PPP2R2A: variants seen among roughly 807,000 people sequenced by gnomAD.
The protein encoded by PPP2R2A is protein phosphatase 2 regulatory subunit Balpha.
PPP2R2A carries 9 observed loss-of-function variants against 53.2 expected under a neutral mutation model. That is an observed-to-expected ratio of 0.17 (90% CI 0.10 to 0.30). The LOEUF is 0.30. Among genes scored for constraint, PPP2R2A ranks in the 10% least tolerant of loss-of-function variants. The probability of loss-of-function intolerance (pLI) is 1.00; values close to 1 mark genes in which losing one functional copy is unlikely to be tolerated. For missense variants in PPP2R2A, 235 were observed against 534.6 expected (o/e 0.44, Z 5.53); for synonymous variants, 169 against 174.2 (o/e 0.97, Z 0.23).
intron 6 of PPP2R2A, among the ~76,000 whole-genome samples, chr8:26,361,740 A>T (rs1314436039): frequency 6.6e-6 from 1 of 152,064 alleles, no homozygotes; most frequent in Non-Finnish European, 1.5e-5. Flanking sequence ...TGGGTGGATC[A>T]CCTAAGGTCA....
intron 7 of PPP2R2A, 35 bp from the exon 8 acceptor site, chr8:26,363,686 C>A: frequency 6.6e-7 from 1 of 1,505,076 alleles, no homozygotes; most frequent in Non-Finnish European, 8.9e-7. Context: ...TATTGTACAC[C>A]TTGCCCTTTT....
chr8:26,346,001 A>C (rs1804193853), intron 3 of PPP2R2A, among the ~76,000 whole-genome samples: 1 of 151,994 alleles, frequency 6.6e-6, no homozygotes, highest in Non-Finnish European at 1.5e-5. Flanking sequence ...TTATTTAAAC[A>C]TTCTTTTGTT....
At chr8:26,325,458 A>C (rs183671828) in intron 2 of PPP2R2A, among the ~76,000 whole-genome samples, 3 of 152,238 alleles carry the variant, frequency 2.0e-5, no homozygotes, top group Admixed American at 1.3e-4. Flanking sequence ...TTTTCTTCCC[A>C]ATCTTGGGTA....
At chr8:26,315,562 T>A (rs996141823) in intron 2 of PPP2R2A, among the ~76,000 whole-genome samples, 1 of 152,194 alleles carries the variant, frequency 6.6e-6, no homozygotes, top group Non-Finnish European at 1.5e-5. Flanking sequence ...TGTTCTCTAT[T>A]TTAGAGTCTA....
chr8:26,369,230 A>T (rs1805541387), intron 9 of PPP2R2A, among the ~76,000 whole-genome samples: 1 of 152,070 alleles, frequency 6.6e-6, no homozygotes, highest in African/African-American at 2.4e-5. Context: ...TACCCTGAGA[A>T]GATTATTTAT....
intron 1 of PPP2R2A, chr8:26,293,234 T>C (rs1473931185): frequency 2.0e-6 from 3 of 1,535,776 alleles, no homozygotes; most frequent in Non-Finnish European, 2.6e-6. Flanking sequence ...CATTACTCCT[T>C]ACCCAGGCAG....
At chr8:26,339,675 T>C (rs1020499500) in intron 3 of PPP2R2A, among the ~76,000 whole-genome samples, 2 of 152,162 alleles carry the variant, frequency 1.3e-5, no homozygotes, top group African/African-American at 2.4e-5. Context: ...TCTTATTCAT[T>C]CTCTCCTTCC....
intron 2 of PPP2R2A, among the ~76,000 whole-genome samples, chr8:26,331,796 T>A (rs1803390777): frequency 6.6e-6 from 1 of 152,228 alleles, no homozygotes; most frequent in African/African-American, 2.4e-5. Flanking sequence ...AATAGAATTT[T>A]CACAAACTTC....
chr8:26,356,289 G>C (rs929581758), intron 4 of PPP2R2A, among the ~76,000 whole-genome samples: 1 of 152,178 alleles, frequency 6.6e-6, no homozygotes, highest in Non-Finnish European at 1.5e-5. Flanking sequence ...TAGAAATGCT[G>C]TTCACAAATG....
rs1802842542 is a variant in PPP2R2A at position 26,321,564 on chromosome 8, C to G, written c.83-17326C>G. Among the ~76,000 whole-genome samples the G allele has an allele frequency of 6.6e-6, 1 of 152,206 alleles. No individual in the cohort carries two copies. The highest frequency in any genetic ancestry group is 1.5e-5 in the Non-Finnish European group (1 of 68,034). ...ATCCATGTTGGGCTGCCCTATTTCA[C>G]TTGCTGAGGGAAGCCAGCTACCATG... On this transcript the variant is annotated intron_variant, in intron 2 of 9. Coordinates refer to ENST00000380737, the MANE Select transcript of PPP2R2A (RefSeq NM_002717.4). This position sits in a 1 kb window ranked among gnomAD's most constrained non-coding sequence, Gnocchi z 4.1.
At chr8:26,317,857 T>A (rs1023014184) in intron 2 of PPP2R2A, among the ~76,000 whole-genome samples, 5 of 152,220 alleles carry the variant, frequency 3.3e-5, no homozygotes, top group Admixed American at 6.5e-5. Flanking sequence ...GCAGGTTTGT[T>A]CTGCTCAGGG....
intron 2 of PPP2R2A, among the ~76,000 whole-genome samples, chr8:26,309,264 C>T (rs545736934): frequency 4.6e-4 from 70 of 152,188 alleles, no homozygotes; most frequent in African/African-American, 1.7e-3. Flanking sequence ...TAAACAACAT[C>T]TCCTTGTCCC....
intron 9 of PPP2R2A, among the ~76,000 whole-genome samples, chr8:26,367,553 C>T (rs980606344): frequency 4.6e-5 from 7 of 152,168 alleles, no homozygotes; most frequent in Non-Finnish European, 7.4e-5. Context: ...GTTCCCCTGT[C>T]GCTGTTTGCT....
At chr8:26,357,825 C>G (rs546591293) in intron 4 of PPP2R2A, among the ~76,000 whole-genome samples, 5 of 152,100 alleles carry the variant, frequency 3.3e-5, no homozygotes, top group Non-Finnish European at 7.4e-5. Context: ...GTTGATAATT[C>G]AGGGGAACAC....
At chr8:26,343,105 C>T (rs1475073392) in intron 3 of PPP2R2A, among the ~76,000 whole-genome samples, 1 of 151,798 alleles carries the variant, frequency 6.6e-6, no homozygotes, top group Admixed American at 6.6e-5. Context: ...ACCTAGGAGG[C>T]GGAGGTTGCA....
At chr8:26,293,243 A>C in intron 1 of PPP2R2A, 1 of 1,535,964 alleles carries the variant, frequency 6.5e-7, no homozygotes, top group African/African-American at 1.4e-5. Flanking sequence ...TTACCCAGGC[A>C]GTAATGTTCC....
rs1446858191 is a variant in PPP2R2A at position 26,370,215 on chromosome 8, G to A, written c.1146G>A (p.Ser382=). 19 of 1,613,974 alleles carry A rather than the reference G, an allele frequency of 1.2e-5. No homozygotes were observed. The East Asian group carries it at 2.2e-4, about 19-fold the overall frequency. ...AGCGAGACATAACCCTAGAAGCATC[G>A]CGGGAAAACAATAAGCCTCGCACAG... is the stretch of plus-strand genomic sequence containing the variant. ...NTKRDITLEA[S]RENNKPRTVL... is the part of the protein sequence containing the mutation. Residue 382 remains serine, a synonymous_variant, in exon 10 of 10, where the codon TCG becomes TCA. Transcript: ENST00000380737. The surrounding 1 kb of genome is among the most constrained non-coding windows in gnomAD (Gnocchi z 6.1).
chr8:26,307,879 T>G (rs1046786569), intron 2 of PPP2R2A, among the ~76,000 whole-genome samples: 3 of 152,218 alleles, frequency 2.0e-5, no homozygotes, highest in African/African-American at 7.2e-5. Context: ...AGTGAGGGGT[T>G]GAACCTTGTT....
Position 26,371,338 on chromosome 8 carries a change from A to G in PPP2R2A, c.*925A>G, listed in dbSNP as rs978137110. The G allele has an allele frequency of 1.4e-5, 2 of 148,002 alleles. No homozygotes were observed. Among genetic ancestry groups the G allele is most frequent in the African/African-American group, 4.9e-5 (2 of 40,612 alleles). 9.2% of individuals were successfully genotyped at this position (148,002 alleles called of 1,614,324 possible). Reference sequence around the variant, plus strand: ...TATAGGTTTTATTAAGGATTTCACAATCTATAAATGCTACTAGTTTTTTTT... The same window carrying G: ...TATAGGTTTTATTAAGGATTTCACAGTCTATAAATGCTACTAGTTTTTTTT... On this transcript the variant is annotated 3_prime_UTR_variant, in exon 10 of 10. Coordinates refer to ENST00000380737, the MANE Select transcript of PPP2R2A (RefSeq NM_002717.4).
Sources: allele counts gnomAD v4.1 joint callset (sites outside exome capture counted in the v4.1 genomes callset), GRCh38; gene constraint gnomAD v4.1.1; non-coding constraint Gnocchi (gnomAD v3.1); transcripts MANE v1.5; gene names NCBI Gene and HGNC (gene_info 2026-07-23, HGNC 2026-07-21).